Variants in CNTNAP2 observed in about 807,000 individuals in gnomAD.
The protein encoded by CNTNAP2 is contactin associated protein 2, also known as contactin-associated protein-like 2.
CNTNAP2 carries 98 observed loss-of-function variants against 155.2 expected under a neutral mutation model. The observed-to-expected ratio is 0.63, with a 90% CI of 0.54 to 0.75. The LOEUF is 0.75. Ranked by LOEUF, CNTNAP2 falls within the 30% of genes least tolerant of loss-of-function variation. The pLI is 0.00. For missense variants in CNTNAP2, 1,727 were observed against 1,688.1 expected (o/e 1.02, Z -0.40); for synonymous variants, 651 against 631.2 (o/e 1.03, Z -0.47).
intron 13 of CNTNAP2, among the ~76,000 whole-genome samples, chr7:147,739,011 G>A (rs2140811): frequency 0.78 from 118,950 of 151,958 alleles, 46,736 homozygotes; most frequent in East Asian, 0.99. Context: ...CTGTTTTGTA[G>A]TATTCACTTT....
intron 18 of CNTNAP2, among the ~76,000 whole-genome samples, chr7:148,198,402 T>C (rs2116727691): frequency 6.6e-6 from 1 of 152,348 alleles, no homozygotes; most frequent in East Asian, 1.9e-4. Context: ...GTATCTAATG[T>C]AGATTCTTAA....
intron 8 of CNTNAP2, among the ~76,000 whole-genome samples, chr7:147,291,211 G>A (rs1220080242): frequency 6.6e-6 from 1 of 151,856 alleles, no homozygotes; most frequent in African/African-American, 2.4e-5. Flanking sequence ...GTACAGGTTT[G>A]TTATATAGCT....
chr7:147,372,919 A>C (rs775522872), intron 9 of CNTNAP2, among the ~76,000 whole-genome samples: 3 of 151,836 alleles, frequency 2.0e-5, no homozygotes, highest in Non-Finnish European at 4.4e-5. Context: ...CCATATCCTC[A>C]CTTCCTCTCT....
chr7:147,494,867 C>T (rs1312996203), intron 11 of CNTNAP2, among the ~76,000 whole-genome samples: 1 of 152,036 alleles, frequency 6.6e-6, no homozygotes, highest in Non-Finnish European at 1.5e-5. Context: ...TCTCTGAAAC[C>T]AAACTGTGTT....
At chr7:148,161,208 G>A (rs1015744120) in intron 17 of CNTNAP2, among the ~76,000 whole-genome samples, 13 of 152,050 alleles carry the variant, frequency 8.5e-5, no homozygotes, top group Admixed American at 2.0e-4. Context: ...GCTTCATGTC[G>A]GCACCATAAC....
chr7:148,341,221 T>A (rs763612822), intron 21 of CNTNAP2, among the ~76,000 whole-genome samples: 1 of 152,242 alleles, frequency 6.6e-6, no homozygotes, highest in Non-Finnish European at 1.5e-5. Context: ...CACTTATTCA[T>A]TTGAAATGTG....
chr7:146,436,943 A>C (rs898437412), intron 1 of CNTNAP2, among the ~76,000 whole-genome samples: 1 of 151,482 alleles, frequency 6.6e-6, no homozygotes, highest in Non-Finnish European at 1.5e-5. Context: ...GAAAGACAAG[A>C]ATCTCTATAA....
chr7:146,184,990 A>G (rs1194098823), intron 1 of CNTNAP2, among the ~76,000 whole-genome samples: 1 of 152,194 alleles, frequency 6.6e-6, no homozygotes, highest in Non-Finnish European at 1.5e-5. Context: ...AGTTAAAGAA[A>G]TAAAAACGAA....
chr7:146,805,701 A>C (rs1028521532), intron 2 of CNTNAP2, among the ~76,000 whole-genome samples: 1 of 152,198 alleles, frequency 6.6e-6, no homozygotes, highest in East Asian at 1.9e-4. Flanking sequence ...TGGCAGCCAC[A>C]CCGTAACTAG....
intron 1 of CNTNAP2, among the ~76,000 whole-genome samples, chr7:146,550,320 A>G (rs1285786701): frequency 6.7e-6 from 1 of 148,852 alleles, no homozygotes; most frequent in African/African-American, 2.5e-5. Flanking sequence ...CATTAAAAGG[A>G]GAGCTTTTAA....
intron 10 of CNTNAP2, among the ~76,000 whole-genome samples, chr7:147,404,510 T>C (rs1291410424): frequency 6.6e-6 from 1 of 152,208 alleles, no homozygotes; most frequent in Non-Finnish European, 1.5e-5. Context: ...ATTCCACTGA[T>C]TTTTATGTTG....
In CNTNAP2 at chr7:146,310,866, T is replaced by C. The variant is rs547213170; in HGVS notation, c.97+193893T>C. ...TAAGTATTATAAAACTCTATTTTAC[T>C]AATAGCCATATAAAACCCTTAAGAG... On this transcript the variant is annotated intron_variant, in intron 1 of 23. Transcript: ENST00000361727. 3.9e-5 allele frequency among the ~76,000 whole-genome samples: 6 copies of C among 152,328 alleles called. No homozygotes were observed. In the South Asian group the frequency reaches 6.2e-4, roughly 16 times the overall value.
At chr7:147,367,728 C>G (rs1464412629) in intron 9 of CNTNAP2, among the ~76,000 whole-genome samples, 1 of 152,112 alleles carries the variant, frequency 6.6e-6, no homozygotes, top group Non-Finnish European at 1.5e-5. Context: ...TATCACACTT[C>G]CGGCTCCAGT....
At chr7:147,936,328 TGATCCAGTG>T (rs1271333454) in intron 14 of CNTNAP2, among the ~76,000 whole-genome samples, 1 of 152,060 alleles carries the variant, frequency 6.6e-6, no homozygotes, top group Non-Finnish European at 1.5e-5. Context: ...TCACTTATTT[TGATCCAGTG>T]GATCTTGACC....
chr7:147,383,877 GC>G (rs921133121), intron 9 of CNTNAP2, among the ~76,000 whole-genome samples: 1 of 151,634 alleles, frequency 6.6e-6, no homozygotes, highest in African/African-American at 2.4e-5. Context: ...CACAAACACA[GC>G]CCCCCCAACA....
chr7:148,260,894 C>CT (rs1254515991), intron 20 of CNTNAP2, among the ~76,000 whole-genome samples: 21 of 152,268 alleles, frequency 1.4e-4, no homozygotes, highest in Admixed American at 6.5e-4. Context: ...GGCCTAAGTG[C>CT]TTATGCAACA....
At chr7:147,924,987 C>T (rs112033646) in intron 14 of CNTNAP2, among the ~76,000 whole-genome samples, 9 of 151,986 alleles carry the variant, frequency 5.9e-5, no homozygotes, top group African/African-American at 2.2e-4. Flanking sequence ...GGCTTAGAGG[C>T]ACGAGCCTGT....
intron 13 of CNTNAP2, among the ~76,000 whole-genome samples, chr7:147,886,336 G>A (rs1299288351): frequency 3.3e-5 from 5 of 151,820 alleles, no homozygotes; most frequent in Non-Finnish European, 7.4e-5. Flanking sequence ...TTATCCAGGT[G>A]TGGTGGCAGG....
rs1799025719 is a variant in CNTNAP2 at position 146,210,969 on chromosome 7, A to G, written c.97+93996A>G. Among the ~76,000 whole-genome samples, 5 of 152,276 alleles carry G rather than the reference A, an allele frequency of 3.3e-5. No homozygotes were observed. In the South Asian group the frequency reaches 1.0e-3, roughly 32 times the overall value. On this transcript the variant is annotated intron_variant, in intron 1 of 23. Transcript: ENST00000361727. The stretch of plus-strand genomic sequence containing the variant: ...TACCCTGAGATAAGATTTTGCCTCA[A>G]TAGTGGAACATAACACCTGAAAGGA...
Sources: allele counts gnomAD v4.1 joint callset (sites outside exome capture counted in the v4.1 genomes callset), GRCh38; gene constraint gnomAD v4.1.1; transcripts MANE v1.5; gene names NCBI Gene and HGNC (gene_info 2026-07-23, HGNC 2026-07-21).